The following TDRD12 variants were observed in gnomAD, a reference collection of about 807,000 sequenced individuals.
The protein encoded by TDRD12 is tudor domain containing 12.
A neutral mutation model predicts 133.5 loss-of-function variants in TDRD12; 158 were observed. That is an observed-to-expected ratio of 1.18 (90% confidence interval 1.04 to 1.35). TDRD12 has a LOEUF of 1.35. Ranked by LOEUF, TDRD12 falls within the 40% of genes most tolerant of loss-of-function variation. The probability of loss-of-function intolerance (pLI) is 0.00; values close to 1 mark genes in which losing one functional copy is unlikely to be tolerated. For missense variants in TDRD12, 1,443 were observed against 1,321.3 expected, an observed-to-expected ratio of 1.09 and a Z score of -1.43; for synonymous variants, 460 against 477.9, an observed-to-expected ratio of 0.96 and a Z score of 0.49.
intron 21 of TDRD12, 148 bp downstream of exon 21, chr19:32,803,290 G>C: frequency 1.7e-6 from 1 of 602,930 alleles, no homozygotes; most frequent in South Asian, 2.3e-5. Context: ...TCTTCCCCAC[G>C]TGCCCTCCCC....
chr19:32,726,036 C>T (rs925012883), intron 1 of TDRD12, among the ~76,000 whole-genome samples: 4 of 151,782 alleles, frequency 2.6e-5, no homozygotes, highest in Non-Finnish European at 5.9e-5. Context: ...AGTTTGCCAT[C>T]TCAACCATTT....
intron 14 of TDRD12, among the ~76,000 whole-genome samples, chr19:32,795,947 T>G (rs1971212915): frequency 6.6e-6 from 1 of 152,150 alleles, no homozygotes. Flanking sequence ...ACTGCCCCCA[T>G]GAGCCAATCA....
chr19:32,727,743 A>C lies in TDRD12; in HGVS notation c.25-3982A>C, dbSNP rs1968906289. Among the ~76,000 whole-genome samples, 4 of 152,276 alleles carry C rather than the reference A, an allele frequency of 2.6e-5. No individual in the cohort carries two copies. In the South Asian group the frequency reaches 8.3e-4, roughly 32 times the overall value. On this transcript the variant is annotated intron_variant, in intron 1 of 27. Transcript: ENST00000444215. Reference sequence around the variant, plus strand: ...GAGTGCAGTGGTGCAATTTCGGCTCACTGCAACCTCCACCTCCCAGGTTCA... The same window carrying C: ...GAGTGCAGTGGTGCAATTTCGGCTCCCTGCAACCTCCACCTCCCAGGTTCA...
intron 8 of TDRD12, among the ~76,000 whole-genome samples, chr19:32,763,097 T>C (rs563137118): frequency 4.4e-4 from 67 of 152,294 alleles, no homozygotes; most frequent in Admixed American, 1.7e-3. Context: ...GAGACCACCA[T>C]CGTATATGTG....
chr19:32,818,237 C>T (rs952554931), intron 27 of TDRD12, 80 bp downstream of exon 27: 2 of 642,034 alleles, frequency 3.1e-6, no homozygotes, highest in Non-Finnish European at 5.6e-6. Flanking sequence ...TGCATGGGGA[C>T]ACCTGGGAGG....
chr19:32,787,688 C>G (rs1970948634), intron 11 of TDRD12, among the ~76,000 whole-genome samples: 1 of 152,162 alleles, frequency 6.6e-6, no homozygotes, highest in Non-Finnish European at 1.5e-5. Flanking sequence ...CATCCCAGGT[C>G]GATCTCAGAC....
chr19:32,748,603 C>T lies in TDRD12; in HGVS notation c.496+72C>T, dbSNP rs559142813. ...CAGAGGCCTCAGCTTCTGCTGCTGG[C>T]GGGGGTTGGAGATGCCCCTGTTGGC... On this transcript the variant is annotated intron_variant, in intron 5 of 27. Coordinates refer to ENST00000444215, the Ensembl canonical transcript of TDRD12. 153 of 1,471,096 alleles carry T rather than the reference C, an allele frequency of 1.0e-4. 1 individual carries two copies. The Admixed American group carries it at 1.3e-3, about 13-fold the overall frequency. The allele number at this position is 1,471,096 out of a possible 1,614,324, so 91.1% of individuals were successfully genotyped here. A position where few individuals can be genotyped will look rare whatever the true frequency, so the allele number is the denominator to read the frequency against.
chr19:32,720,699 A>G (rs1290507216), intron 1 of TDRD12, among the ~76,000 whole-genome samples: 1 of 8,042 alleles, frequency 1.2e-4, no homozygotes, highest in Non-Finnish European at 2.1e-4. Context: ...CCACCCCAAC[A>G]TTTCATCCCC....
intron 11 of TDRD12, among the ~76,000 whole-genome samples, chr19:32,782,521 A>G (rs796569759): frequency 2.0e-5 from 3 of 152,310 alleles, no homozygotes; most frequent in African/African-American, 7.2e-5. Context: ...TTCTGGTTCT[A>G]GATCCTTGAG....
Position 32,733,426 on chromosome 19 carries a change from C to T in TDRD12, c.183+1543C>T, listed in dbSNP as rs978374502. Among the ~76,000 whole-genome samples the T allele has an allele frequency of 1.7e-4, 26 of 151,272 alleles. No individual in the cohort carries two copies. The East Asian group carries it at 1.7e-3, about 10-fold the overall frequency. ...CGGAGGCTTCAGTGAGCCGAGATCA[C>T]GCCATTGCACTCCAGCCTAGGCAAC... On this transcript the variant is annotated intron_variant, in intron 2 of 27. Transcript: ENST00000444215.
In TDRD12 at chr19:32,745,982, C is replaced by CTG. The variant is rs1186338730; in HGVS notation, c.441-2477_441-2476dup. Among the ~76,000 whole-genome samples the CTG allele has an allele frequency of 2.1e-3, 133 of 63,820 alleles. 1 individual carries two copies. The highest frequency in any genetic ancestry group is 5.3e-3 in the Admixed American group (29 of 5,452). The allele number at this position is 63,820 out of a possible 152,430, so 41.9% of individuals were successfully genotyped here. ...AGAGAGACTGGCTGATGTGGTCATT[C>CTG]TGTGTGTGTGTGTGTGTGAGAGAGA... On this transcript the variant is annotated intron_variant, in intron 4 of 27. Transcript: ENST00000444215.
At chr19:32,765,393 A>G (rs911422298) in intron 8 of TDRD12, among the ~76,000 whole-genome samples, 5 of 152,230 alleles carry the variant, frequency 3.3e-5, no homozygotes, top group African/African-American at 1.2e-4. Flanking sequence ...TACTGGGTAT[A>G]TACCCAAAGG....
intron 13 of TDRD12, 118 bp downstream of exon 13, chr19:32,791,186 CT>C: frequency 2.6e-6 from 3 of 1,160,172 alleles, no homozygotes; most frequent in Non-Finnish European, 2.3e-6. Flanking sequence ...TTGAAATTCT[CT>C]TTTTATTTGA....
chr19:32,757,231 T>C lies in TDRD12; in HGVS notation c.865+101T>C, dbSNP rs1318161660. The C allele has an allele frequency of 9.6e-6, 9 of 937,158 alleles. No individual in the cohort carries two copies. The Admixed American group carries it at 2.1e-4, about 21-fold the overall frequency. 58.1% of individuals were successfully genotyped at this position (937,158 alleles called of 1,614,324 possible). A position where few individuals can be genotyped will look rare whatever the true frequency, so the allele number is the denominator to read the frequency against. On this transcript the variant is annotated intron_variant, in intron 8 of 27. Transcript: ENST00000444215. ...TTGTCTAGAAAGGCCATGGTAATTCTTTCTCTTTTCTTAATTTAATGTAAC... is the reference window on the plus strand; with the variant it reads ...TTGTCTAGAAAGGCCATGGTAATTCCTTCTCTTTTCTTAATTTAATGTAAC...
intron 6 of TDRD12, among the ~76,000 whole-genome samples, chr19:32,753,392 AGGGTCTT>A (rs1969893602): frequency 6.6e-6 from 1 of 152,094 alleles, no homozygotes; most frequent in African/African-American, 2.4e-5. Context: ...TTTTGGAGAC[AGGGTCTT>A]GCTATGTTGT....
intron 8 of TDRD12, among the ~76,000 whole-genome samples, chr19:32,771,601 T>A (rs892215531): frequency 2.0e-5 from 3 of 151,102 alleles, no homozygotes; most frequent in East Asian, 1.9e-4. Flanking sequence ...TTTTTTTTTT[T>A]AACTCTTTAT....
chr19:32,756,134 C>T (rs772202882), exon 7 of TDRD12: 79 of 1,450,118 alleles, frequency 5.4e-5, no homozygotes, highest in Non-Finnish European at 7.0e-5. Context: ...CCAGCACTTA[C>T]ACTCTGGCCA....
chr19:32,807,703 G>A (rs1049619708), intron 22 of TDRD12, 55 bp downstream of exon 22: 1 of 1,282,940 alleles, frequency 7.8e-7, no homozygotes, highest in Non-Finnish European at 1.1e-6. Context: ...GTTAATAAAC[G>A]TGTTTTATTT....
chr19:32,766,772 G>A (rs948471509), intron 8 of TDRD12, among the ~76,000 whole-genome samples: 10 of 151,932 alleles, frequency 6.6e-5, no homozygotes, highest in South Asian at 2.1e-4. Context: ...GCACCACCAC[G>A]CCCGGCTAGT....
Sources: allele counts gnomAD v4.1 joint callset (sites outside exome capture counted in the v4.1 genomes callset), GRCh38; gene constraint gnomAD v4.1.1; transcripts MANE v1.5; gene names NCBI Gene and HGNC (gene_info 2026-07-23, HGNC 2026-07-21).